The following FOXP2 variants were observed in gnomAD, a reference collection of about 807,000 sequenced individuals.
FOXP2 encodes forkhead box P2.
FOXP2 carries 12 observed loss-of-function variants against 115.8 expected under a neutral mutation model. That is an observed-to-expected ratio of 0.10 (90% CI 0.07 to 0.17). FOXP2 has a LOEUF of 0.17. Among genes scored for constraint, FOXP2 ranks in the 10% least tolerant of loss-of-function variants. The pLI, the probability that FOXP2 is intolerant of heterozygous loss-of-function variation, is 1.00. For synonymous variants in FOXP2, 328 were observed against 297.7 expected (o/e 1.10, Z -1.05); for missense variants, 629 against 843.5 (o/e 0.75, Z 3.15).
intron 2 of FOXP2, among the ~76,000 whole-genome samples, chr7:114,395,847 C>T (rs1792723406): frequency 6.6e-6 from 1 of 151,244 alleles, no homozygotes; most frequent in Non-Finnish European, 1.5e-5. Context: ...TGTGTGGGGG[C>T]AGGGGGGGTC....
At chr7:114,508,024 C>G (rs1030522794) in intron 2 of FOXP2, among the ~76,000 whole-genome samples, 3 of 151,818 alleles carry the variant, frequency 2.0e-5, no homozygotes, top group African/African-American at 7.3e-5. Context: ...CAGAAACTGT[C>G]CTAGGTGATA....
At chr7:114,241,345 A>G (rs963579101) in intron 1 of FOXP2, among the ~76,000 whole-genome samples, 6 of 152,100 alleles carry the variant, frequency 3.9e-5, no homozygotes. Flanking sequence ...AGATGAGGCT[A>G]TAAGTTATGA....
intron 2 of FOXP2, among the ~76,000 whole-genome samples, chr7:114,441,951 G>C (rs1437252665): frequency 6.6e-6 from 1 of 152,110 alleles, no homozygotes; most frequent in Non-Finnish European, 1.5e-5. Flanking sequence ...TAGTTTGGCT[G>C]TATCTTAACA....
intron 2 of FOXP2, among the ~76,000 whole-genome samples, chr7:114,310,072 G>A (rs1050775311): frequency 1.3e-5 from 2 of 152,166 alleles, no homozygotes; most frequent in African/African-American, 4.8e-5. Context: ...AGCTCATAAA[G>A]TGGAGTTTTG....
chr7:114,201,696 TAG>T (rs538761379), intron 1 of FOXP2, among the ~76,000 whole-genome samples: 2 of 152,346 alleles, frequency 1.3e-5, no homozygotes, highest in Non-Finnish European at 2.9e-5. Context: ...AATATAGTGC[TAG>T]AGTCACCCTA....
intron 1 of FOXP2, among the ~76,000 whole-genome samples, chr7:114,099,195 C>A (rs528442925): frequency 6.6e-6 from 1 of 152,070 alleles, no homozygotes; most frequent in African/African-American, 2.4e-5. Context: ...GAGAAACAAT[C>A]AGATTAAAAA....
At position 114,658,418 on chromosome 7, in the gene FOXP2, G is replaced by C. The variant is rs1806701905; in HGVS notation, c.1468+151G>C. The C allele has an allele frequency of 2.4e-6, 2 of 846,986 alleles. 1 individual carries two copies. The highest frequency in any genetic ancestry group is 4.0e-5 in the Admixed American group (2 of 49,514). The allele number at this position is 846,986 out of a possible 1,614,324, so 52.5% of individuals were successfully genotyped here. On this transcript the variant is annotated intron_variant, in intron 11 of 16. Transcript: ENST00000350908. ...TTTTATTCCTGGTAAATGCGAATAG[G>C]GGCGATTCCCTAAGCACATCATGAT...
At chr7:114,620,978 C>G (rs925538824) in intron 3 of FOXP2, among the ~76,000 whole-genome samples, 4 of 152,018 alleles carry the variant, frequency 2.6e-5, no homozygotes, top group African/African-American at 9.7e-5. Flanking sequence ...GCAAAACTCT[C>G]TCTCCTACCA....
At chr7:114,214,933 A>G (rs909188348) in intron 1 of FOXP2, among the ~76,000 whole-genome samples, 1 of 152,176 alleles carries the variant, frequency 6.6e-6, no homozygotes, top group Non-Finnish European at 1.5e-5. Flanking sequence ...CTAGATGACA[A>G]TTTATGAGAA....
At chr7:114,333,550 C>T (rs1467724152) in intron 2 of FOXP2, among the ~76,000 whole-genome samples, 2 of 152,148 alleles carry the variant, frequency 1.3e-5, no homozygotes, top group Admixed American at 6.5e-5. Flanking sequence ...ACCAGGAGTT[C>T]GAGATCAGCC....
intron 1 of FOXP2, among the ~76,000 whole-genome samples, chr7:114,421,566 G>A (rs948917633): frequency 1.3e-5 from 2 of 151,276 alleles, no homozygotes; most frequent in Non-Finnish European, 3.0e-5. Context: ...TAAGTAAAAA[G>A]TAGTAACAAA....
At chr7:114,177,480 A>T (rs961927133) in intron 1 of FOXP2, among the ~76,000 whole-genome samples, 2 of 152,108 alleles carry the variant, frequency 1.3e-5, no homozygotes, top group Non-Finnish European at 2.9e-5. Context: ...TGAATAAAGC[A>T]TGCTTATTTA....
chr7:114,376,681 C>T (rs1792145132), intron 2 of FOXP2, among the ~76,000 whole-genome samples: 1 of 152,260 alleles, frequency 6.6e-6, no homozygotes, highest in South Asian at 2.1e-4. Context: ...AGGAGATGGA[C>T]AGGATGCGTG....
chr7:114,360,894 G>A (rs1303776955), intron 2 of FOXP2, among the ~76,000 whole-genome samples: 1 of 151,992 alleles, frequency 6.6e-6, no homozygotes, highest in Admixed American at 6.6e-5. Flanking sequence ...ATTTGCTTTG[G>A]GTATTATTTA....
intron 1 of FOXP2, among the ~76,000 whole-genome samples, chr7:114,215,493 G>T (rs1252598952): frequency 6.6e-6 from 1 of 152,072 alleles, no homozygotes; most frequent in Non-Finnish European, 1.5e-5. Flanking sequence ...CATATCTGAA[G>T]ATTATGTAAG....
intron 3 of FOXP2, among the ~76,000 whole-genome samples, chr7:114,551,474 G>A (rs1038253600): frequency 2.0e-5 from 3 of 152,036 alleles, no homozygotes; most frequent in African/African-American, 7.2e-5. Flanking sequence ...TTTGTGTTTA[G>A]TGAATTACCC....
intron 2 of FOXP2, among the ~76,000 whole-genome samples, chr7:114,314,968 G>GA (rs991912736): frequency 4.6e-5 from 7 of 151,764 alleles, no homozygotes; most frequent in Non-Finnish European, 7.4e-5. Context: ...ACTTCTGAAA[G>GA]AAAAAAAAGT....
chr7:114,475,787 A>G (rs1159361611), intron 2 of FOXP2, among the ~76,000 whole-genome samples: 1 of 151,926 alleles, frequency 6.6e-6, no homozygotes, highest in Non-Finnish European at 1.5e-5. Flanking sequence ...GTGCACAGGT[A>G]CCCCGTTTCT....
At chr7:114,099,767 T>G (rs1337327028) in intron 1 of FOXP2, among the ~76,000 whole-genome samples, 1 of 152,138 alleles carries the variant, frequency 6.6e-6, no homozygotes, top group Non-Finnish European at 1.5e-5. Flanking sequence ...TTTGTGGGAA[T>G]GGGGCTTGGG....
Sources: gnomAD v4.1 joint callset for allele counts (sites outside exome capture counted in the v4.1 genomes callset) on GRCh38, gnomAD v4.1.1 for gene constraint, MANE v1.5 for transcripts, NCBI Gene and HGNC (gene_info 2026-07-23, HGNC 2026-07-21) for gene names.